FRMD6: variants seen among roughly 807,000 people sequenced by gnomAD.
FRMD6 encodes FERM domain containing 6, also known as FERM domain-containing protein 6.
In FRMD6, 37 loss-of-function variants were observed where a neutral mutation model predicts 73.2. The ratio of observed to expected loss-of-function variants is 0.51; its 90% CI spans 0.39 to 0.66. The LOEUF (loss-of-function observed/expected upper bound fraction) is 0.66. FRMD6 is among the 30% of genes least tolerant of loss of function. FRMD6 has a pLI of 0.00. For synonymous variants in FRMD6, 273 were observed against 282.2 expected (o/e 0.97, Z 0.33); for missense variants, 714 against 780.5 (o/e 0.91, Z 1.02).
intron 1 of FRMD6, among the ~76,000 whole-genome samples, chr14:51,566,631 C>T (rs1187789584): frequency 6.6e-6 from 1 of 152,198 alleles, no homozygotes. Context: ...AGGCAATCCA[C>T]CATCCTCGAA....
At chr14:51,704,979 A>C in intron 6 of FRMD6, 44 bp downstream of exon 6, 3 of 1,548,760 alleles carry the variant, frequency 1.9e-6, no homozygotes, top group Non-Finnish European at 2.6e-6. Context: ...TCTCTCGGGC[A>C]TTTCTAGTTC....
chr14:51,715,410 A>T lies in FRMD6; in HGVS notation c.935A>T (p.His312Leu). 6.2e-7 allele frequency: 1 copy of T among 1,613,604 alleles called. No individual in the cohort carries two copies. Among genetic ancestry groups the T allele is most frequent in the Non-Finnish European group, 8.5e-7 (1 of 1,179,760 alleles). ...ACGGGGTGCCCCATGCGCTCCAGAC[A>T]CCTCCTGCAACTTCTGAGCAACAGC... ...YYTGCPMRSR[H>L]LLQLLSNSHR... The change falls in exon 10 of 14, where the codon CAC becomes CTC. Residue 312 changes from histidine (H) to leucine (L), a missense_variant. His to Leu is a moderately conservative substitution (Grantham distance 99). Transcript: ENST00000344768.
At chr14:51,553,502 G>T (rs1176674085) in intron 1 of FRMD6, among the ~76,000 whole-genome samples, 1 of 152,156 alleles carries the variant, frequency 6.6e-6, no homozygotes, top group African/African-American at 2.4e-5. Context: ...AAGAATACTT[G>T]CTTATTGTTT....
In FRMD6 at chr14:51,528,552, G is replaced by C. The variant is rs747661160; in HGVS notation, c.-210+39132G>C. 6.7e-4 allele frequency among the ~76,000 whole-genome samples: 102 copies of C among 152,088 alleles called. 1 individual carries two copies. The highest frequency in any genetic ancestry group is 1.1e-3 in the Non-Finnish European group (76 of 68,020). On this transcript the variant is annotated intron_variant, in intron 1 of 14. Coordinates refer to the FRMD6 transcript ENST00000356218. ...AAGGTCCCCAAAGGTAAAACACCAA[G>C]ATCCCCAACCCAGCTACAACCAATG...
At chr14:51,482,688 G>GTGTGTGTGTGTGTT in the FRMD6 span, among the ~76,000 whole-genome samples, 6 of 151,746 alleles carry the variant, frequency 4.0e-5, no homozygotes, top group African/African-American at 1.5e-4. Flanking sequence ...GTGTGTGTGT[G>GTGTGTGTGTGTGTT]TGTGTATTTG....
intron 12 of FRMD6, 40 bp downstream of exon 12, chr14:51,722,120 T>G (rs1303599587): frequency 1.2e-6 from 2 of 1,610,472 alleles, no homozygotes; most frequent in Non-Finnish European, 1.7e-6. Flanking sequence ...TGGTAGCAGG[T>G]TATCCAGGAC....
At chr14:51,687,004 A>G (rs1234471719) in intron 1 of FRMD6, among the ~76,000 whole-genome samples, 1 of 152,144 alleles carries the variant, frequency 6.6e-6, no homozygotes. Flanking sequence ...CTCAAAGCAG[A>G]AAAAGCAGCA....
In FRMD6 at chr14:51,704,876, T is replaced by C; in HGVS notation, c.499T>C (p.Phe167Leu). ...TGCCCTGCAGGCTGATCTTGGGAAC[T>C]TCAAAAGGAATAAGCACTATGGAAA... is the stretch of plus-strand genomic sequence containing the variant. ...AFALQADLGNFKRNKHYGKYF... is the reference protein window; with the variant it reads ...AFALQADLGNLKRNKHYGKYF... Residue 167 changes from phenylalanine (F) to leucine (L), a missense_variant, in exon 6 of 14, where the codon TTC becomes CTC. Physicochemically the swap from Phe to Leu is conservative, Grantham distance 22. Coordinates refer to ENST00000344768, the MANE Select transcript of FRMD6 (RefSeq NM_001267046.2). 1 of 1,613,418 alleles carries C rather than the reference T, an allele frequency of 6.2e-7. No individual in the cohort carries two copies. The highest frequency in any genetic ancestry group is 8.5e-7 in the Non-Finnish European group (1 of 1,179,590).
chr14:51,596,338 C>T (rs1324516810), intron 2 of FRMD6, among the ~76,000 whole-genome samples: 1 of 152,004 alleles, frequency 6.6e-6, no homozygotes, highest in African/African-American at 2.4e-5. Context: ...AGCACCCTCA[C>T]ATTACTGATT....
intron 1 of FRMD6, among the ~76,000 whole-genome samples, chr14:51,688,641 T>C (rs1201885940): frequency 2.0e-5 from 3 of 152,142 alleles, no homozygotes; most frequent in African/African-American, 7.2e-5. Context: ...GTCCTACAAA[T>C]GTAGCTGGAA....
At chr14:51,538,521 T>C (rs919312997) in intron 1 of FRMD6, among the ~76,000 whole-genome samples, 1 of 152,252 alleles carries the variant, frequency 6.6e-6, no homozygotes, top group Non-Finnish European at 1.5e-5. Context: ...GAAAGCTTTA[T>C]AGTTTTAATG....
At chr14:51,518,130 A>G (rs2140283903) in intron 1 of FRMD6, among the ~76,000 whole-genome samples, 1 of 152,358 alleles carries the variant, frequency 6.6e-6, no homozygotes, top group African/African-American at 2.4e-5. Context: ...TCATGCTTCC[A>G]AGGCACCTAT....
At chr14:51,413,502 T>A in the FRMD6 span, among the ~76,000 whole-genome samples, 1 of 152,228 alleles carries the variant, frequency 6.6e-6, no homozygotes, top group African/African-American at 2.4e-5. Flanking sequence ...TCCTTTTTTA[T>A]GGCTGCATAG....
intron 1 of FRMD6, among the ~76,000 whole-genome samples, chr14:51,670,415 A>C (rs936175563): frequency 6.6e-6 from 1 of 152,162 alleles, no homozygotes; most frequent in African/African-American, 2.4e-5. Context: ...TAGTGTACAG[A>C]GTCTCCCAAT....
At chr14:51,471,005 T>C in the FRMD6 span, among the ~76,000 whole-genome samples, 1 of 152,246 alleles carries the variant, frequency 6.6e-6, no homozygotes, top group Admixed American at 6.5e-5. Context: ...AGTTAGATAG[T>C]GATCAATAGT....
chr14:51,533,295 A>G (rs1203062505), intron 1 of FRMD6, among the ~76,000 whole-genome samples: 1 of 152,218 alleles, frequency 6.6e-6, no homozygotes, highest in Non-Finnish European at 1.5e-5. Context: ...AGGCTTTGGC[A>G]ATTACTCAGA....
At chr14:51,641,106 G>C (rs1257583644) in intron 2 of FRMD6, among the ~76,000 whole-genome samples, 1 of 152,068 alleles carries the variant, frequency 6.6e-6, no homozygotes, top group Non-Finnish European at 1.5e-5. Flanking sequence ...AAGTAGCTGG[G>C]ATTATAGGCG....
chr14:51,467,041 A>G, the FRMD6 span, among the ~76,000 whole-genome samples: 1 of 152,058 alleles, frequency 6.6e-6, no homozygotes, highest in South Asian at 2.1e-4. Flanking sequence ...GTCATAGGAC[A>G]ATAGTGGAGG....
chr14:51,689,720 A>C lies in FRMD6; in HGVS notation c.-117A>C, dbSNP rs1177279345. 2.8e-6 allele frequency: 2 copies of C among 713,122 alleles called. No homozygotes were observed. Among genetic ancestry groups the C allele is most frequent in the Non-Finnish European group, 5.2e-6 (2 of 385,314 alleles). The allele number at this position is 713,122 out of a possible 1,614,324, so 44.2% of individuals were successfully genotyped here. A position where few individuals can be genotyped will look rare whatever the true frequency, so the allele number is the denominator to read the frequency against. Reference sequence around the variant, plus strand: ...GAAACCCACGTAGTCGAACACCGTGATGCTTCTCCTGCAGGGCGTGTGATG... The same window carrying C: ...GAAACCCACGTAGTCGAACACCGTGCTGCTTCTCCTGCAGGGCGTGTGATG... On this transcript the variant is annotated 5_prime_UTR_variant, in exon 2 of 14. The change abolishes an upstream ATG in the 5' untranslated region. Coordinates refer to ENST00000344768, the MANE Select transcript of FRMD6 (RefSeq NM_001267046.2).
Sources: gnomAD v4.1 joint callset for allele counts (sites outside exome capture counted in the v4.1 genomes callset) on GRCh38, gnomAD v4.1.1 for gene constraint, MANE v1.5 for transcripts, NCBI Gene and HGNC (gene_info 2026-07-23, HGNC 2026-07-21) for gene names.